Variants in ARNT2 observed in about 807,000 individuals in gnomAD.
ARNT2 encodes the protein aryl hydrocarbon receptor nuclear translocator 2.
ARNT2 carries 36 observed loss-of-function variants against 91.7 expected under a neutral mutation model. That is an observed-to-expected ratio of 0.39 (90% CI 0.30 to 0.52). The LOEUF (loss-of-function observed/expected upper bound fraction) is 0.52, where lower values mean the gene tolerates loss of function less well. ARNT2 is among the 20% of genes least tolerant of loss of function. The pLI, the probability that ARNT2 is intolerant of heterozygous loss-of-function variation, is 0.72. For missense variants in ARNT2, 775 were observed against 939.3 expected (o/e 0.83, Z 2.29); for synonymous variants, 365 against 347.1 (o/e 1.05, Z -0.57).
intron 1 of ARNT2, among the ~76,000 whole-genome samples, chr15:80,417,411 C>G (rs986638052): frequency 2.6e-5 from 4 of 152,146 alleles, no homozygotes; most frequent in Non-Finnish European, 5.9e-5. Flanking sequence ...CCTTTTGTTG[C>G]CTGACTTAGT....
chr15:80,405,753 G>A (rs1895591049), intron 1 of ARNT2, among the ~76,000 whole-genome samples: 1 of 152,204 alleles, frequency 6.6e-6, no homozygotes, highest in East Asian at 1.9e-4. Flanking sequence ...AGAGGCAGCA[G>A]TGGGATTTAA....
At chr15:80,537,643 G>T (rs1189371398) in intron 8 of ARNT2, among the ~76,000 whole-genome samples, 1 of 152,168 alleles carries the variant, frequency 6.6e-6, no homozygotes, top group African/African-American at 2.4e-5. Flanking sequence ...CGCCTGCCAT[G>T]CCTGACCTGG....
chr15:80,453,774 A>G (rs1896439199), intron 2 of ARNT2, among the ~76,000 whole-genome samples: 1 of 152,010 alleles, frequency 6.6e-6, no homozygotes, highest in Admixed American at 6.5e-5. Flanking sequence ...TGGTGGAGAG[A>G]CTCAGAGAGA....
chr15:80,526,766 A>C (rs1046626956), intron 8 of ARNT2, among the ~76,000 whole-genome samples: 6 of 152,202 alleles, frequency 3.9e-5, no homozygotes, highest in Non-Finnish European at 5.9e-5. Context: ...TTTTGGCTAG[A>C]ATCTGCTATG....
At chr15:80,588,978 C>T (rs1027845715) in intron 17 of ARNT2, among the ~76,000 whole-genome samples, 1 of 152,110 alleles carries the variant, frequency 6.6e-6, no homozygotes, top group Non-Finnish European at 1.5e-5. Context: ...AGAGCAGGAG[C>T]TCAGGAAATA....
intron 8 of ARNT2, among the ~76,000 whole-genome samples, chr15:80,529,136 T>C (rs192716423): frequency 1.3e-5 from 2 of 152,240 alleles, no homozygotes; most frequent in African/African-American, 4.8e-5. Flanking sequence ...TCTTGCAAGG[T>C]TGAGAAGTTC....
At chr15:80,495,699 C>A (rs1189220619) in intron 5 of ARNT2, among the ~76,000 whole-genome samples, 1 of 152,188 alleles carries the variant, frequency 6.6e-6, no homozygotes, top group Non-Finnish European at 1.5e-5. Context: ...TCATGCCTTC[C>A]TAGGGCTCTG....
chr15:80,597,871 G>T lies in ARNT2; in HGVS notation c.*4173G>T, dbSNP rs1217936384. ...CAGTTATTAAGTCGGTTGTGTATAT[G>T]TGTAACTAATGTAACTGCCTTTTAA... On this transcript the variant is annotated 3_prime_UTR_variant, in exon 19 of 19. Coordinates refer to ENST00000303329, the MANE Select transcript of ARNT2 (RefSeq NM_014862.4). The T allele has an allele frequency of 6.5e-6, 1 of 152,734 alleles. No individual in the cohort carries two copies. The highest frequency in any genetic ancestry group is 2.4e-5 in the African/African-American group (1 of 41,460). The allele number at this position is 152,734 out of a possible 1,614,324, so 9.5% of individuals were successfully genotyped here. A position where few individuals can be genotyped will look rare whatever the true frequency, so the allele number is the denominator to read the frequency against.
At chr15:80,544,522 T>G (rs1455810396) in intron 8 of ARNT2, among the ~76,000 whole-genome samples, 2 of 152,218 alleles carry the variant, frequency 1.3e-5, no homozygotes, top group Non-Finnish European at 2.9e-5. Context: ...TGTTATTTCA[T>G]CTTGGCTGGA....
chr15:80,547,263 C>T (rs948277685), intron 8 of ARNT2, among the ~76,000 whole-genome samples: 2 of 152,018 alleles, frequency 1.3e-5, no homozygotes, highest in African/African-American at 2.4e-5. Flanking sequence ...TGGGCCTTAG[C>T]GTGAATCAAA....
In ARNT2 at chr15:80,457,892, T is replaced by A. The variant is rs1440604036; in HGVS notation, c.147-37T>A. Reference sequence around the variant, plus strand: ...CCTGTTACCAGTTAAAATGTTCTCCTAATAATCAGTGCTCACTTGTGATCT... The same window carrying A: ...CCTGTTACCAGTTAAAATGTTCTCCAAATAATCAGTGCTCACTTGTGATCT... On this transcript the variant is annotated intron_variant, in intron 2 of 18. Coordinates refer to ENST00000303329, the MANE Select transcript of ARNT2 (RefSeq NM_014862.4). 3.1e-6 allele frequency: 5 copies of A among 1,611,350 alleles called. No homozygotes were observed. The African/African-American group carries it at 5.3e-5, about 17-fold the overall frequency.
At chr15:80,418,686 G>A (rs570747613) in intron 1 of ARNT2, among the ~76,000 whole-genome samples, 2 of 152,162 alleles carry the variant, frequency 1.3e-5, no homozygotes, top group African/African-American at 4.8e-5. Flanking sequence ...GCTGTGGGAC[G>A]GATGCTGTGT....
intron 1 of ARNT2, among the ~76,000 whole-genome samples, chr15:80,432,115 G>A (rs1274888866): frequency 6.6e-6 from 1 of 152,234 alleles, no homozygotes; most frequent in African/African-American, 2.4e-5. Context: ...ACTGTCAATA[G>A]GTAAAAATGC....
intron 1 of ARNT2, among the ~76,000 whole-genome samples, chr15:80,412,682 A>G (rs1421635377): frequency 4.6e-5 from 7 of 152,208 alleles, no homozygotes; most frequent in Non-Finnish European, 2.9e-5. Flanking sequence ...GGCATATAAT[A>G]TTTGGTGTGC....
At chr15:80,545,670 A>G (rs1173110735) in intron 8 of ARNT2, among the ~76,000 whole-genome samples, 2 of 152,216 alleles carry the variant, frequency 1.3e-5, no homozygotes, top group African/African-American at 2.4e-5. Flanking sequence ...CTAATACATA[A>G]CAGAAGACAA....
At chr15:80,419,626 G>T (rs1895833744) in intron 1 of ARNT2, among the ~76,000 whole-genome samples, 1 of 152,206 alleles carries the variant, frequency 6.6e-6, no homozygotes, top group South Asian at 2.1e-4. Context: ...CCCAGTCCTG[G>T]CATTGACATG....
intron 8 of ARNT2, among the ~76,000 whole-genome samples, chr15:80,532,053 A>C (rs1897748980): frequency 6.6e-6 from 1 of 152,188 alleles, no homozygotes; most frequent in African/African-American, 2.4e-5. Context: ...CAAGAACTGG[A>C]TGTGTTCAGC....
At chr15:80,439,996 CT>C (rs1896163886) in intron 1 of ARNT2, among the ~76,000 whole-genome samples, 1 of 152,204 alleles carries the variant, frequency 6.6e-6, no homozygotes, top group African/African-American at 2.4e-5. Flanking sequence ...ATGCCTTGCA[CT>C]TTCTCCTTCA....
At chr15:80,562,823 C>G in intron 11 of ARNT2, 1 of 495,824 alleles carries the variant, frequency 2.0e-6, no homozygotes, top group South Asian at 2.8e-5. Flanking sequence ...ATTAAAAGTT[C>G]TGCTATAAAG....
Sources: allele counts gnomAD v4.1 joint callset (sites outside exome capture counted in the v4.1 genomes callset), GRCh38; gene constraint gnomAD v4.1.1; transcripts MANE v1.5; gene names NCBI Gene and HGNC (gene_info 2026-07-23, HGNC 2026-07-21).